Variants in DLAT observed in about 807,000 individuals in gnomAD.
The protein encoded by DLAT is dihydrolipoyllysine-residue acetyltransferase component of pyruvate dehydrogenase complex, mitochondrial.
A neutral mutation model predicts 68.0 loss-of-function variants in DLAT; 43 were observed. The ratio of observed to expected loss-of-function variants is 0.63; its 90% CI spans 0.50 to 0.81. DLAT has a LOEUF of 0.81. Ranked by LOEUF, DLAT falls within the 40% of genes least tolerant of loss-of-function variation. The pLI is 0.00. For missense variants in DLAT, 745 were observed against 815.4 expected (o/e 0.91, Z 1.05); for synonymous variants, 265 against 288.6 (o/e 0.92, Z 0.83).
chr11:112,025,998 CCACAGGACTGTG>C (rs1555179208), intron 1 of DLAT, among the ~76,000 whole-genome samples, 188 bp from the exon 2 acceptor site: 2 of 152,158 alleles, frequency 1.3e-5, no homozygotes, highest in Non-Finnish European at 2.9e-5. Context: ...TTTGTCAGAC[CCACAGGACTGTG>C]GAGGAGAAAG....
chr11:112,037,488 CACTT>C, intron 6 of DLAT, 28 bp downstream of exon 6: 2 of 1,607,102 alleles, frequency 1.2e-6, no homozygotes, highest in African/African-American at 1.3e-5. Flanking sequence ...ATTCAGGAAA[CACTT>C]ACCTTGTTCA....
chr11:112,057,728 A>G (rs1864188654), intron 11 of DLAT, among the ~76,000 whole-genome samples: 1 of 152,322 alleles, frequency 6.6e-6, no homozygotes, highest in Admixed American at 6.5e-5. Context: ...CCATAATAAC[A>G]TAAAAGTACA....
intron 11 of DLAT, among the ~76,000 whole-genome samples, chr11:112,059,503 C>T (rs1490261699): frequency 2.6e-5 from 4 of 152,174 alleles, no homozygotes; most frequent in African/African-American, 9.6e-5. Flanking sequence ...AGTGGTTCTC[C>T]TGCCTCAGCC....
chr11:112,037,572 G>A (rs1862840147), intron 6 of DLAT, 112 bp downstream of exon 6: 1 of 1,011,424 alleles, frequency 9.9e-7, no homozygotes, highest in Non-Finnish European at 1.5e-6. Flanking sequence ...CTATGACTGA[G>A]GAGGGAGATA....
In DLAT at chr11:112,062,657, C is replaced by T; in HGVS notation, c.*122C>T. ...CAGTTATTTTTATTATTGAGTCTGT[C>T]CAGATAAGTTATTTATAATGGGCAT... On this transcript the variant is annotated 3_prime_UTR_variant, in exon 14 of 14. Transcript: ENST00000280346. The T allele has an allele frequency of 8.5e-7, 1 of 1,177,004 alleles. No homozygotes were observed. Among genetic ancestry groups the T allele is most frequent in the Non-Finnish European group, 1.2e-6 (1 of 827,380 alleles). The allele number at this position is 1,177,004 out of a possible 1,614,324, so 72.9% of individuals were successfully genotyped here. A position where few individuals can be genotyped will look rare whatever the true frequency, so the allele number is the denominator to read the frequency against.
rs1862933449 is a variant in DLAT, at chr11:112,039,281, C to T, written c.1013C>T (p.Pro338Leu). The T allele has an allele frequency of 3.1e-6, 5 of 1,613,924 alleles. No individual in the cohort carries two copies. Among genetic ancestry groups the T allele is most frequent in the Non-Finnish European group, 4.2e-6 (5 of 1,180,014 alleles). Residue 338 changes from proline (P) to leucine (L), a missense_variant, in exon 7 of 14, where the codon CCT (proline) becomes CTT (leucine). Pro to Leu is a moderately conservative substitution (Grantham distance 98, BLOSUM62 -3). Coordinates refer to ENST00000280346, the MANE Select transcript of DLAT (RefSeq NM_001931.5). ...CCTCCAACTCCCCAGCCTTTAGCTCCTACACCTTCAGCACCCTGCCCAGCT... is the reference window on the plus strand; with the variant it reads ...CCTCCAACTCCCCAGCCTTTAGCTCTTACACCTTCAGCACCCTGCCCAGCT... ...AVPPTPQPLA[P>L]TPSAPCPATP...
chr11:112,037,488 C>CACTT, intron 6 of DLAT, 28 bp downstream of exon 6: 1 of 1,607,102 alleles, frequency 6.2e-7, no homozygotes, highest in Non-Finnish European at 8.5e-7. Flanking sequence ...ATTCAGGAAA[C>CACTT]ACTTACCTTG....
At position 112,041,462 on chromosome 11, in the gene DLAT, G is replaced by A. The variant is rs781948607; in HGVS notation, c.1130-2004G>A. 4.6e-5 allele frequency among the ~76,000 whole-genome samples: 7 copies of A among 152,262 alleles called. No homozygotes were observed. The South Asian group carries it at 1.5e-3, about 32-fold the overall frequency. Reference sequence around the variant, plus strand: ...GATGAGGTGACATTTGATTTGTTTTGAAAGATAAGAAGGAGGCAGCTTGAG... The same window carrying A: ...GATGAGGTGACATTTGATTTGTTTTAAAAGATAAGAAGGAGGCAGCTTGAG... On this transcript the variant is annotated intron_variant, in intron 7 of 13. Transcript: ENST00000280346.
chr11:112,029,982 G>C lies in DLAT; in HGVS notation c.660+1037G>C, dbSNP rs45508402. 467 of 1,012,540 alleles carry C rather than the reference G, an allele frequency of 4.6e-4. 1 individual carries two copies. Among genetic ancestry groups the C allele is most frequent in the Admixed American group, 1.5e-3 (84 of 56,202 alleles). 62.7% of individuals were successfully genotyped at this position (1,012,540 alleles called of 1,614,324 possible). A position where few individuals can be genotyped will look rare whatever the true frequency, so the allele number is the denominator to read the frequency against. ...CTTCCCATCCAGCCAATCACACTTA[G>C]AGCAGGTGATAAAGAACTGACAGCC... On this transcript the variant is annotated intron_variant, in intron 4 of 13. Transcript: ENST00000280346.
At chr11:112,027,771 G>A (rs1008369201) in intron 2 of DLAT, among the ~76,000 whole-genome samples, 529 of 132,800 alleles carry the variant, frequency 4.0e-3, no homozygotes, top group East Asian at 5.1e-3. Context: ...GTGGCGGCGC[G>A]TGCCTGCAAT....
intron 7 of DLAT, among the ~76,000 whole-genome samples, chr11:112,042,930 G>GA (rs1248618759): frequency 3.9e-5 from 6 of 152,122 alleles, no homozygotes; most frequent in Non-Finnish European, 8.8e-5. Context: ...ATTTTGGGGT[G>GA]AAAAAATCGA....
chr11:112,043,207 A>G (rs1321454730), intron 7 of DLAT, among the ~76,000 whole-genome samples: 3 of 152,258 alleles, frequency 2.0e-5, no homozygotes, highest in South Asian at 2.1e-4. Context: ...AGAGAAATAC[A>G]TAAAGGAATA....
intron 7 of DLAT, among the ~76,000 whole-genome samples, chr11:112,041,948 T>C (rs984813119): frequency 6.6e-6 from 1 of 151,554 alleles, no homozygotes; most frequent in African/African-American, 2.4e-5. Flanking sequence ...GGAGATGAGA[T>C]TGGAAAAAAA....
intron 5 of DLAT, among the ~76,000 whole-genome samples, chr11:112,036,217 T>G (rs1215432222): frequency 8.2e-4 from 92 of 111,938 alleles, no homozygotes; most frequent in African/African-American, 3.0e-3. Context: ...TTTTTTTTTT[T>G]TTTTTTTTTT....
Position 112,064,286 on chromosome 11 carries a change from T to G in DLAT, c.*1751T>G. 7.2e-7 allele frequency: 1 copy of G among 1,391,242 alleles called. No individual in the cohort carries two copies. Among genetic ancestry groups the G allele is most frequent in the Non-Finnish European group, 9.7e-7 (1 of 1,033,472 alleles). 86.2% of individuals were successfully genotyped at this position (1,391,242 alleles called of 1,614,324 possible). On this transcript the variant is annotated 3_prime_UTR_variant, in exon 14 of 14. Transcript: ENST00000280346. Reference sequence around the variant, plus strand: ...TGTTGAGTTAAAAATTAATCTGAGCTATAATCTAAATCGATTCAGTCTCTT... The same window carrying G: ...TGTTGAGTTAAAAATTAATCTGAGCGATAATCTAAATCGATTCAGTCTCTT...
At chr11:112,036,935 A>T in intron 5 of DLAT, 1 of 283,008 alleles carries the variant, frequency 3.5e-6, no homozygotes, top group East Asian at 9.2e-5. Flanking sequence ...TTTTTTAATA[A>T]CTTTGAGAAC....
chr11:112,041,985 T>C (rs1327967762), intron 7 of DLAT, among the ~76,000 whole-genome samples: 1 of 152,116 alleles, frequency 6.6e-6, no homozygotes, highest in Non-Finnish European at 1.5e-5. Flanking sequence ...AATGACCTTA[T>C]AGATTATGGT....
rs147494299 is a variant in DLAT at position 112,038,499 on chromosome 11, G to A, written c.976-745G>A. On this transcript the variant is annotated intron_variant, in intron 6 of 13. Transcript: ENST00000280346. ...CAGGTGTGAGCCACCACACCTGGCC[G>A]TATTTCTTAAGATACTTTTCAACAT... Among the ~76,000 whole-genome samples the A allele has an allele frequency of 1.5e-3, 220 of 150,016 alleles. 1 individual carries two copies. Among genetic ancestry groups the A allele is most frequent in the African/African-American group, 4.9e-3 (202 of 41,014 alleles).
rs1864767697 is a variant in DLAT, at chr11:112,063,517, AGGGGTACATT to A, written c.*985_*994del. ...TTATCCCAAATCCTGTCTGAAAAGGAGGGGTACATTGGTAAACATTTTGGAGTGCTTAAAA... is the reference window on the plus strand; with the variant it reads ...TTATCCCAAATCCTGTCTGAAAAGGAGGTAAACATTTTGGAGTGCTTAAAA... On this transcript the variant is annotated 3_prime_UTR_variant, in exon 14 of 14. Transcript: ENST00000280346. 1 of 152,624 alleles carries A rather than the reference AGGGGTACATT, an allele frequency of 6.6e-6. No individual in the cohort carries two copies. Among genetic ancestry groups the A allele is most frequent in the African/African-American group, 2.4e-5 (1 of 41,462 alleles). 9.5% of individuals were successfully genotyped at this position (152,624 alleles called of 1,614,324 possible). A position where few individuals can be genotyped will look rare whatever the true frequency, so the allele number is the denominator to read the frequency against.
Sources: allele counts gnomAD v4.1 joint callset (sites outside exome capture counted in the v4.1 genomes callset), GRCh38; gene constraint gnomAD v4.1.1; transcripts MANE v1.5; gene names NCBI Gene and HGNC (gene_info 2026-07-23, HGNC 2026-07-21).